Variants in PDE4B observed in about 807,000 individuals in gnomAD.
The protein encoded by PDE4B is 3',5'-cyclic-AMP phosphodiesterase 4B.
PDE4B carries 20 observed loss-of-function variants against 82.2 expected under a neutral mutation model. That is an observed-to-expected ratio of 0.24 (90% confidence interval 0.17 to 0.35). The LOEUF is 0.35. Among genes scored for constraint, PDE4B ranks in the 10% least tolerant of loss-of-function variants. The pLI is 1.00. For synonymous variants in PDE4B, 320 were observed against 318.9 expected, an observed-to-expected ratio of 1.00 and a Z score of -0.04; for missense variants, 655 against 907.2, an observed-to-expected ratio of 0.72 and a Z score of 3.57.
intron 3 of PDE4B, among the ~76,000 whole-genome samples, chr1:66,175,011 A>G (rs1646907053): frequency 6.6e-6 from 1 of 152,004 alleles, no homozygotes; most frequent in Middle Eastern, 3.2e-3. Context: ...CCTCACTATC[A>G]CCAGAACAGC....
intron 3 of PDE4B, among the ~76,000 whole-genome samples, chr1:66,143,393 G>A (rs974496336): frequency 6.6e-6 from 1 of 152,166 alleles, no homozygotes; most frequent in African/African-American, 2.4e-5. Context: ...GGTGGATCAG[G>A]CGTTACATCT....
intron 3 of PDE4B, among the ~76,000 whole-genome samples, chr1:66,139,348 A>G (rs1246786050): frequency 6.6e-6 from 1 of 151,956 alleles, no homozygotes; most frequent in Non-Finnish European, 1.5e-5. Context: ...CAACCAGGAA[A>G]CTCTCTTAGC....
At chr1:66,164,523 G>A (rs1356169488) in intron 3 of PDE4B, among the ~76,000 whole-genome samples, 5 of 89,102 alleles carry the variant, frequency 5.6e-5, no homozygotes, top group African/African-American at 2.3e-4. Flanking sequence ...ACAACAGAGA[G>A]AGACTCCGTC....
intron 9 of PDE4B, 68 bp downstream of exon 9, chr1:66,355,688 C>A: frequency 1.2e-6 from 1 of 841,126 alleles, no homozygotes; most frequent in Non-Finnish European, 1.9e-6. Context: ...TACAACCTAT[C>A]AAGGACATCC....
At chr1:65,936,284 A>G (rs537889733) in intron 3 of PDE4B, among the ~76,000 whole-genome samples, 19 of 152,206 alleles carry the variant, frequency 1.2e-4, no homozygotes, top group Non-Finnish European at 2.4e-4. Context: ...ACTTTTTTTT[A>G]ATATACATAA....
intron 3 of PDE4B, among the ~76,000 whole-genome samples, chr1:65,984,413 C>T (rs535930228): frequency 6.6e-6 from 1 of 152,024 alleles, no homozygotes; most frequent in Non-Finnish European, 1.5e-5. Flanking sequence ...TTGGTAATTG[C>T]AAGAATATCT....
At chr1:66,291,456 T>C (rs1414440216) in intron 7 of PDE4B, among the ~76,000 whole-genome samples, 1 of 152,248 alleles carries the variant, frequency 6.6e-6, no homozygotes, top group Non-Finnish European at 1.5e-5. Context: ...TTTCTATAGA[T>C]GTTACTTAGA....
chr1:65,977,831 G>A (rs1468180404), intron 3 of PDE4B, among the ~76,000 whole-genome samples: 3 of 152,088 alleles, frequency 2.0e-5, no homozygotes, highest in African/African-American at 7.2e-5. Flanking sequence ...TGGTAATCCA[G>A]CAGGTAACTG....
At chr1:66,052,151 A>G (rs1004430024) in intron 3 of PDE4B, among the ~76,000 whole-genome samples, 1 of 152,220 alleles carries the variant, frequency 6.6e-6, no homozygotes, top group Admixed American at 6.5e-5. Context: ...ATTTCTAGAG[A>G]ATACAACTGG....
intron 3 of PDE4B, among the ~76,000 whole-genome samples, chr1:66,201,488 G>T: frequency 6.6e-6 from 1 of 152,044 alleles, no homozygotes; most frequent in East Asian, 1.9e-4. Flanking sequence ...GACTCTTTTT[G>T]GTTGGTAAGC....
At position 66,268,387 on chromosome 1, in the gene PDE4B, C is replaced by T. The variant is rs74225013; in HGVS notation, c.634+2300C>T. Among the ~76,000 whole-genome samples, 1,513 of 152,216 alleles carry T rather than the reference C, an allele frequency of 9.9e-3. 51 individuals carry two copies. In the East Asian group the frequency reaches 0.12, roughly 12 times the overall value. ...GCTCTCCATTTGAAATACCCCTCTT[C>T]GGCCAGGCATGGTGGCTCATGCCTG... is the stretch of plus-strand genomic sequence containing the variant. On this transcript the variant is annotated intron_variant, in intron 7 of 16. Transcript: ENST00000341517.
At chr1:66,197,716 A>T (rs1648450751) in intron 3 of PDE4B, among the ~76,000 whole-genome samples, 1 of 152,126 alleles carries the variant, frequency 6.6e-6, no homozygotes, top group Admixed American at 6.6e-5. Context: ...GATGAAAATA[A>T]ATAAACTTAT....
At chr1:65,934,761 T>C (rs1648031280) in intron 3 of PDE4B, among the ~76,000 whole-genome samples, 1 of 152,120 alleles carries the variant, frequency 6.6e-6, no homozygotes, top group African/African-American at 2.4e-5. Context: ...AAGTAAAAAT[T>C]AGCACAAGAT....
chr1:65,821,649 C>T (rs1645953969), intron 1 of PDE4B, among the ~76,000 whole-genome samples: 1 of 152,196 alleles, frequency 6.6e-6, no homozygotes. Context: ...GATAATGGTA[C>T]TAACTTCTCT....
chr1:66,279,688 G>A (rs533914542), intron 7 of PDE4B, among the ~76,000 whole-genome samples: 40 of 152,122 alleles, frequency 2.6e-4, no homozygotes, highest in Non-Finnish European at 5.0e-4. Flanking sequence ...ATCAGCAGTA[G>A]GACAATATTC....
At chr1:66,204,501 T>C (rs1212605512) in intron 3 of PDE4B, among the ~76,000 whole-genome samples, 2 of 152,252 alleles carry the variant, frequency 1.3e-5, no homozygotes, top group Non-Finnish European at 2.9e-5. Context: ...TCCACCCAGT[T>C]TGAGCTTCCT....
At chr1:65,844,350 G>T (rs973753394) in intron 1 of PDE4B, among the ~76,000 whole-genome samples, 1 of 152,142 alleles carries the variant, frequency 6.6e-6, no homozygotes, top group African/African-American at 2.4e-5. Flanking sequence ...TTTTGAAGAG[G>T]AATAAAAGTA....
chr1:65,928,657 G>A (rs1647656024), intron 3 of PDE4B, among the ~76,000 whole-genome samples: 1 of 152,126 alleles, frequency 6.6e-6, no homozygotes, highest in African/African-American at 2.4e-5. Flanking sequence ...AATCTATTTT[G>A]CAAGGCATTG....
intron 1 of PDE4B, among the ~76,000 whole-genome samples, chr1:65,889,344 G>T (rs1003652188): frequency 1.5e-4 from 23 of 151,940 alleles, no homozygotes; most frequent in African/African-American, 4.8e-4. Context: ...CTAGTGTTTT[G>T]TTGAGGATTT....
Sources: gnomAD v4.1 joint callset for allele counts (sites outside exome capture counted in the v4.1 genomes callset) on GRCh38, gnomAD v4.1.1 for gene constraint, MANE v1.5 for transcripts, NCBI Gene and HGNC (gene_info 2026-07-23, HGNC 2026-07-21) for gene names.